The following MARCHF4 variants were observed in gnomAD, a reference collection of about 807,000 sequenced individuals.
The protein encoded by MARCHF4 is E3 ubiquitin-protein ligase MARCHF4.
In MARCHF4, 14 loss-of-function variants were observed where a neutral mutation model predicts 43.9. That is an observed-to-expected ratio of 0.32 (90% CI 0.21 to 0.50). The LOEUF (loss-of-function observed/expected upper bound fraction) is 0.50, where lower values mean the gene tolerates loss of function less well. Among genes scored for constraint, MARCHF4 ranks in the 20% least tolerant of loss-of-function variants. The probability of loss-of-function intolerance (pLI) is 0.98; values close to 1 mark genes in which losing one functional copy is unlikely to be tolerated. For missense variants in MARCHF4, 468 were observed against 536.7 expected (o/e 0.87, Z 1.27); for synonymous variants, 226 against 213.3 (o/e 1.06, Z -0.52).
At chr2:216,361,147 A>C (rs1402112022) in intron 1 of MARCHF4, among the ~76,000 whole-genome samples, 1 of 152,218 alleles carries the variant, frequency 6.6e-6, no homozygotes, top group Non-Finnish European at 1.5e-5. Context: ...TCTAGCTAAA[A>C]TAGTGCATGT....
Position 216,259,549 on chromosome 2 carries a change from G to A in MARCHF4, c.996C>T (p.Thr332=). ...DLEDQKAGGR[T]NPRTSSSTQA... ...GGGTGGATGAGGAGGTCCGGGGGTT[G>A]GTCCTGCCTCCTGCCTTTTGATCCT... The change falls in exon 4 of 4, where the codon ACC becomes ACT. Residue 332 remains threonine (T), a synonymous_variant. Coordinates refer to ENST00000273067, the MANE Select transcript of MARCHF4 (RefSeq NM_020814.3). The A allele has an allele frequency of 6.2e-7, 1 of 1,614,192 alleles. No homozygotes were observed. Among genetic ancestry groups the A allele is most frequent in the South Asian group, 1.1e-5 (1 of 91,086 alleles).
intron 1 of MARCHF4, among the ~76,000 whole-genome samples, chr2:216,284,392 G>A (rs112513006): frequency 0.011 from 1,653 of 152,272 alleles, 23 homozygotes; most frequent in African/African-American, 0.038. Context: ...TTGAGTGGAC[G>A]GCAGCATTGG....
intron 1 of MARCHF4, among the ~76,000 whole-genome samples, chr2:216,312,127 C>T (rs1417701375): frequency 6.6e-6 from 1 of 152,142 alleles, no homozygotes; most frequent in African/African-American, 2.4e-5. Flanking sequence ...CCTTATCCAC[C>T]TTCTGGAGTC....
chr2:216,368,238 T>C (rs1462169789), intron 1 of MARCHF4, among the ~76,000 whole-genome samples: 1 of 152,186 alleles, frequency 6.6e-6, no homozygotes, highest in Non-Finnish European at 1.5e-5. Context: ...AAGATCCTGA[T>C]ATCAAAGTGA....
At chr2:216,281,336 T>C (rs1691123805) in intron 2 of MARCHF4, among the ~76,000 whole-genome samples, 1 of 152,158 alleles carries the variant, frequency 6.6e-6, no homozygotes, top group South Asian at 2.1e-4. Flanking sequence ...AGTGCTGGGA[T>C]CACAAATGTG....
At chr2:216,327,977 A>G (rs1574478884) in intron 1 of MARCHF4, among the ~76,000 whole-genome samples, 1 of 151,706 alleles carries the variant, frequency 6.6e-6, no homozygotes, top group African/African-American at 2.4e-5. Context: ...AAAAGAAAAG[A>G]AAAAGAAAGA....
chr2:216,283,761 G>A, intron 1 of MARCHF4, 32 bp from the exon 2 acceptor site: 1 of 1,553,264 alleles, frequency 6.4e-7, no homozygotes, highest in Non-Finnish European at 8.8e-7. Context: ...TGATGAGGCT[G>A]AGACCTACAG....
intron 1 of MARCHF4, among the ~76,000 whole-genome samples, chr2:216,349,012 G>A (rs574438246): frequency 6.6e-6 from 1 of 152,080 alleles, no homozygotes; most frequent in South Asian, 2.1e-4. Context: ...TTTTGACACC[G>A]AGAAGACATC....
intron 1 of MARCHF4, among the ~76,000 whole-genome samples, chr2:216,301,555 T>A (rs896745491): frequency 4.6e-5 from 7 of 152,234 alleles, no homozygotes; most frequent in Admixed American, 6.5e-5. Flanking sequence ...TACTGTTGTT[T>A]CAGAGCAATG....
chr2:216,325,426 A>G, intron 1 of MARCHF4, among the ~76,000 whole-genome samples: 1 of 152,238 alleles, frequency 6.6e-6, no homozygotes, highest in Non-Finnish European at 1.5e-5. Flanking sequence ...ATCTCCATCA[A>G]GCTACCAATG....
intron 1 of MARCHF4, among the ~76,000 whole-genome samples, chr2:216,367,467 A>G (rs1327535004): frequency 6.6e-6 from 1 of 152,166 alleles, no homozygotes; most frequent in Non-Finnish European, 1.5e-5. Flanking sequence ...AAATGAGAAG[A>G]AACTGGGAAA....
intron 1 of MARCHF4, among the ~76,000 whole-genome samples, chr2:216,330,141 T>C (rs1414721500): frequency 2.0e-5 from 3 of 151,830 alleles, no homozygotes; most frequent in Admixed American, 6.6e-5. Context: ...GAAAACTGTG[T>C]AGCTATACTG....
At position 216,370,520 on chromosome 2, in the gene MARCHF4, C is replaced by T. The variant is rs1692742922; in HGVS notation, c.-260G>A. ...CTCACACACCCACCCCAACCTCCAACTTTGTTCAGTGTGTCTCCTTTCTGC... is the reference window on the plus strand; with the variant it reads ...CTCACACACCCACCCCAACCTCCAATTTTGTTCAGTGTGTCTCCTTTCTGC... On this transcript the variant is annotated 5_prime_UTR_variant, in exon 1 of 4. Transcript: ENST00000273067. 5.0e-6 allele frequency: 2 copies of T among 399,698 alleles called. No homozygotes were observed. The highest frequency in any genetic ancestry group is 8.9e-6 in the Non-Finnish European group (2 of 224,342). The allele number at this position is 399,698 out of a possible 1,614,324, so 24.8% of individuals were successfully genotyped here.
Position 216,300,440 on chromosome 2 carries a change from C to T in MARCHF4, c.517-16711G>A, listed in dbSNP as rs558780478. Among the ~76,000 whole-genome samples the T allele has an allele frequency of 5.3e-5, 8 of 151,346 alleles. No homozygotes were observed. The East Asian group carries it at 9.7e-4, about 18-fold the overall frequency. On this transcript the variant is annotated intron_variant, in intron 1 of 3. Coordinates refer to ENST00000273067, the MANE Select transcript of MARCHF4 (RefSeq NM_020814.3). ...CTCACTGCAGCCTCGACCTCCCAGG[C>T]TCGAGTGATCGTCCCACCTCAGCCT...
chr2:216,278,506 T>A (rs1446611913), intron 2 of MARCHF4, among the ~76,000 whole-genome samples: 1 of 152,228 alleles, frequency 6.6e-6, no homozygotes, highest in Non-Finnish European at 1.5e-5. Flanking sequence ...ATTACAGGTG[T>A]GAGCCACCAT....
intron 1 of MARCHF4, among the ~76,000 whole-genome samples, chr2:216,325,213 C>T (rs1437650798): frequency 6.6e-6 from 1 of 152,112 alleles, no homozygotes; most frequent in Non-Finnish European, 1.5e-5. Flanking sequence ...CTCCCATTCA[C>T]AATTGCTTCA....
At chr2:216,285,383 CCT>C (rs1345754872) in intron 1 of MARCHF4, among the ~76,000 whole-genome samples, 4 of 152,196 alleles carry the variant, frequency 2.6e-5, no homozygotes, top group Non-Finnish European at 5.9e-5. Flanking sequence ...AACAACAGGC[CCT>C]CTTTGCTGTG....
chr2:216,273,056 G>A (rs1690964275), intron 3 of MARCHF4, among the ~76,000 whole-genome samples: 2 of 152,190 alleles, frequency 1.3e-5, no homozygotes, highest in East Asian at 3.8e-4. Flanking sequence ...GCAGCTCCAT[G>A]GGCAGCAAGC....
intron 1 of MARCHF4, among the ~76,000 whole-genome samples, chr2:216,307,684 G>A (rs2105954018): frequency 1.3e-5 from 2 of 152,290 alleles, no homozygotes; most frequent in South Asian, 4.1e-4. Context: ...CAGAGCACAT[G>A]GAGGCCCCCG....
Sources: gnomAD v4.1 joint callset for allele counts (sites outside exome capture counted in the v4.1 genomes callset) on GRCh38, gnomAD v4.1.1 for gene constraint, MANE v1.5 for transcripts, NCBI Gene and HGNC (gene_info 2026-07-23, HGNC 2026-07-21) for gene names.